TXLNB: variants seen among roughly 807,000 people sequenced by gnomAD.
TXLNB encodes beta-taxilin.
TXLNB carries 37 observed loss-of-function variants against 57.4 expected under a neutral mutation model. That is an observed-to-expected ratio of 0.64 (90% CI 0.50 to 0.85). The LOEUF (loss-of-function observed/expected upper bound fraction) is 0.85. TXLNB is among the 40% of genes least tolerant of loss of function. TXLNB has a pLI of 0.00. For missense variants in TXLNB, 848 were observed against 825.6 expected, an observed-to-expected ratio of 1.03 and a Z score of -0.33; for synonymous variants, 302 against 309.6, an observed-to-expected ratio of 0.98 and a Z score of 0.26.
chr6:139,193,358 A>G, the TXLNB span, among the ~76,000 whole-genome samples: 107 of 150,088 alleles, frequency 7.1e-4, no homozygotes, highest in African/African-American at 2.5e-3. Context: ...GTTCTCCTCT[A>G]AACTCTAGAC....
chr6:139,290,455 C>T (rs1777279215), intron 1 of TXLNB, among the ~76,000 whole-genome samples: 1 of 152,112 alleles, frequency 6.6e-6, no homozygotes, highest in African/African-American at 2.4e-5. Flanking sequence ...TCTTTTATTC[C>T]AATATATAAA....
chr6:139,276,348 T>G (rs1776895669), intron 3 of TXLNB, among the ~76,000 whole-genome samples: 1 of 152,272 alleles, frequency 6.6e-6, no homozygotes, highest in Non-Finnish European at 1.5e-5. Context: ...TTGTTCCATC[T>G]AACTTCACTA....
Position 139,276,801 on chromosome 6 carries a change from TGAGAA to T in TXLNB, c.516+24_516+28del, listed in dbSNP as rs754740431. 1.3e-5 allele frequency: 20 copies of T among 1,567,886 alleles called. No individual in the cohort carries two copies. The African/African-American group carries it at 1.9e-4, about 15-fold the overall frequency. On this transcript the variant is annotated intron_variant, in intron 3 of 9. Transcript: ENST00000358430. ...GAGGCACTGGGCTCACTAATCGTTC[TGAGAA>T]AAGAAGCTAATCCAAGATCTTACCA... is the stretch of plus-strand genomic sequence containing the variant.
the TXLNB span, among the ~76,000 whole-genome samples, chr6:139,216,993 C>T: frequency 1.3e-5 from 2 of 152,104 alleles, no homozygotes; most frequent in African/African-American, 2.4e-5. Flanking sequence ...CAAAAAACCA[C>T]GTGTACCCCA....
rs563928520 is a variant in TXLNB, at chr6:139,278,771, T to C, written c.425-1850A>G. Among the ~76,000 whole-genome samples the C allele has an allele frequency of 1.1e-4, 17 of 152,290 alleles. No homozygotes were observed. In the East Asian group the frequency reaches 1.2e-3, roughly 10 times the overall value. ...CTGTAATCCCAACACTTTGGGAGGC[T>C]AAGGCGGGCGGATCACGAGGTCAGG... On this transcript the variant is annotated intron_variant, in intron 2 of 9. Coordinates refer to ENST00000358430, the MANE Select transcript of TXLNB (RefSeq NM_153235.4).
chr6:139,185,682 C>T, the TXLNB span, among the ~76,000 whole-genome samples: 99 of 152,298 alleles, frequency 6.5e-4, no homozygotes, highest in African/African-American at 2.2e-3. Context: ...GCCTGGGCGA[C>T]AGAGCGAGAC....
At chr6:139,166,420 G>A in the TXLNB span, 9 of 1,614,142 alleles carry the variant, frequency 5.6e-6, no homozygotes, top group African/African-American at 2.7e-5. Flanking sequence ...GCTTCTACGA[G>A]TGGGAGAGCA....
upstream of TXLNB, chr6:139,292,108 A>ACACACACACACACG (rs1777316716): frequency 1.3e-5 from 2 of 153,426 alleles, no homozygotes; most frequent in African/African-American, 4.9e-5. This position sits in a 1 kb window ranked among gnomAD's most constrained non-coding sequence, Gnocchi z 4.0. Flanking sequence ...ACACACACAC[A>ACACACACACACACG]CGCCACAGGC....
intron 5 of TXLNB, among the ~76,000 whole-genome samples, chr6:139,261,392 G>A (rs1012455473): frequency 2.6e-5 from 4 of 151,858 alleles, no homozygotes; most frequent in African/African-American, 7.3e-5. Context: ...CCTAACCACC[G>A]CGACCATATG....
At chr6:139,180,053 T>C in the TXLNB span, 10 of 152,214 alleles carry the variant, frequency 6.6e-5, no homozygotes, top group Admixed American at 6.5e-4. Flanking sequence ...TTGAAGCAGT[T>C]GATATAATGG....
chr6:139,297,498 T>A, the TXLNB span, among the ~76,000 whole-genome samples: 1 of 152,250 alleles, frequency 6.6e-6, no homozygotes. Context: ...TTATAAATTC[T>A]GTACTATTCT....
chr6:139,212,450 G>A, the TXLNB span, among the ~76,000 whole-genome samples: 1 of 152,156 alleles, frequency 6.6e-6, no homozygotes, highest in Non-Finnish European at 1.5e-5. Context: ...TCACCACCAG[G>A]CCTGCCCTAA....
rs1312058447 is a variant in TXLNB at position 139,255,410 on chromosome 6, A to T, written c.1077+154T>A. 4.3e-6 allele frequency: 3 copies of T among 703,404 alleles called. No homozygotes were observed. In the South Asian group the frequency reaches 4.5e-5, roughly 11 times the overall value. The allele number at this position is 703,404 out of a possible 1,614,324, so 43.6% of individuals were successfully genotyped here. On this transcript the variant is annotated intron_variant, in intron 7 of 9. Transcript: ENST00000358430. ...TATTGTGCTTTTATTTTTACTTGAA[A>T]ATATGAATAAATGTGAAGTTGTTCT...
the TXLNB span, among the ~76,000 whole-genome samples, chr6:139,307,621 C>T: frequency 6.6e-6 from 1 of 152,178 alleles, no homozygotes. Flanking sequence ...ACATACTTTT[C>T]CAAATTATAG....
the TXLNB span, among the ~76,000 whole-genome samples, chr6:139,323,039 A>T: frequency 6.6e-6 from 1 of 152,208 alleles, no homozygotes; most frequent in African/African-American, 2.4e-5. Context: ...TCATTTTAAA[A>T]TAAGAAACTA....
At chr6:139,206,582 C>T in the TXLNB span, among the ~76,000 whole-genome samples, 5 of 151,952 alleles carry the variant, frequency 3.3e-5, no homozygotes, top group South Asian at 6.2e-4. Context: ...GCAGGAGAAT[C>T]GCTTCAACCC....
At chr6:139,261,671 A>T (rs1056388232) in intron 5 of TXLNB, among the ~76,000 whole-genome samples, 1 of 152,058 alleles carries the variant, frequency 6.6e-6, no homozygotes, top group East Asian at 1.9e-4. Flanking sequence ...GACTGTGGGT[A>T]AGTGGTTTAA....
chr6:139,239,688 G>A (rs990057165), downstream of TXLNB: 17 of 152,052 alleles, frequency 1.1e-4, no homozygotes, highest in African/African-American at 4.1e-4. This position sits in a 1 kb window ranked among gnomAD's most constrained non-coding sequence, Gnocchi z 4.7. Context: ...TGTAGAGATG[G>A]GGGTTTACTA....
chr6:139,248,181 G>A (rs1776111210), intron 7 of TXLNB, among the ~76,000 whole-genome samples: 1 of 151,914 alleles, frequency 6.6e-6, no homozygotes, highest in Non-Finnish European at 1.5e-5. Context: ...TTGAGACCAG[G>A]AGAATGGCGT....
Sources: gnomAD v4.1 joint callset for allele counts (sites outside exome capture counted in the v4.1 genomes callset) on GRCh38, gnomAD v4.1.1 for gene constraint, Gnocchi (gnomAD v3.1) non-coding constraint, MANE v1.5 for transcripts, NCBI Gene and HGNC (gene_info 2026-07-23, HGNC 2026-07-21) for gene names.